Variants in BRDT observed in about 807,000 individuals in gnomAD.
BRDT encodes bromodomain testis-specific protein.
Under a neutral mutation model 113.9 loss-of-function variants are expected in BRDT, and 77 were observed. The observed-to-expected ratio is 0.68, with a 90% CI of 0.56 to 0.82. The LOEUF (loss-of-function observed/expected upper bound fraction) is 0.82. BRDT is among the 40% of genes least tolerant of loss of function. The pLI, the probability that BRDT is intolerant of heterozygous loss-of-function variation, is 0.00. For synonymous variants in BRDT, 358 were observed against 366.5 expected, an observed-to-expected ratio of 0.98 and a Z score of 0.26; for missense variants, 1,027 against 1,105.4, an observed-to-expected ratio of 0.93 and a Z score of 1.01.
chr1:91,962,189 A>T (rs1682546636), intron 1 of BRDT, among the ~76,000 whole-genome samples: 3 of 130,092 alleles, frequency 2.3e-5, no homozygotes, highest in Non-Finnish European at 3.4e-5. Flanking sequence ...AAAAAAAAAA[A>T]AAATCCAAGG....
At chr1:91,967,340 A>G (rs1180134554) in intron 3 of BRDT, among the ~76,000 whole-genome samples, 2 of 151,676 alleles carry the variant, frequency 1.3e-5, no homozygotes, top group Admixed American at 6.6e-5. Context: ...GGTTCAAGCA[A>G]TTCTCCTGCC....
intron 6 of BRDT, chr1:91,977,655 G>A (rs1404322462): frequency 4.5e-6 from 1 of 219,972 alleles, no homozygotes; most frequent in African/African-American, 2.3e-5. Context: ...CGGATCACTT[G>A]AGGCCAGGAG....
At chr1:91,956,074 A>G (rs576488399) in intron 1 of BRDT, among the ~76,000 whole-genome samples, 1 of 152,304 alleles carries the variant, frequency 6.6e-6, no homozygotes, top group South Asian at 2.1e-4. Flanking sequence ...TATATTACAG[A>G]TATGACTTCA....
At chr1:92,000,474 GT>G (rs1480674076) in intron 15 of BRDT, among the ~76,000 whole-genome samples, 1 of 152,180 alleles carries the variant, frequency 6.6e-6, no homozygotes, top group African/African-American at 2.4e-5. Flanking sequence ...CTTTGACAGT[GT>G]TTTGTCTTGC....
chr1:91,954,146 A>G (rs998182984), intron 1 of BRDT, among the ~76,000 whole-genome samples: 4 of 151,238 alleles, frequency 2.6e-5, no homozygotes, highest in Non-Finnish European at 5.9e-5. Flanking sequence ...AAATTTTTGT[A>G]TTTTTAGTAG....
Position 91,980,792 on chromosome 1 carries a change from G to A in BRDT, c.1437G>A (p.Arg479=), listed in dbSNP as rs1212260383. 1 of 1,598,588 alleles carries A rather than the reference G, an allele frequency of 6.3e-7. No homozygotes were observed. The part of the protein sequence containing the change: ...ENPRKMCEQM[R]LKEKSKRNQP... Reference sequence around the variant, plus strand: ...CAAGAAAAATGTGTGAGCAAATGAGGCTAAAGGAAAAGTCCAAGAGAAAGT... The same window carrying A: ...CAAGAAAAATGTGTGAGCAAATGAGACTAAAGGAAAAGTCCAAGAGAAAGT... Residue 479 remains arginine, a synonymous_variant, in exon 9 of 19, where the codon AGG becomes AGA. Coordinates refer to ENST00000399546, the MANE Select transcript of BRDT (RefSeq NM_207189.4).
In BRDT at chr1:91,962,940, G is replaced by C. The variant is rs758944987; in HGVS notation, c.186G>C (p.Gln62His). The change falls in exon 2 of 19, where the codon CAG becomes CAC. Residue 62 changes from glutamine (Q) to histidine (H), a missense_variant. Physicochemically the swap from Gln to His is conservative, Grantham distance 24. Coordinates refer to ENST00000399546, the MANE Select transcript of BRDT (RefSeq NM_207189.4). ...GTCCTGTGGATGCTGTGAAACTACA[G>C]TTGCCTGTATGTATGTCTTCAACTA... ...FQRPVDAVKLQLPDYYTIIKN... is the reference protein window; with the variant it reads ...FQRPVDAVKLHLPDYYTIIKN... The C allele has an allele frequency of 6.3e-6, 10 of 1,585,204 alleles. No individual in the cohort carries two copies. The highest frequency in any genetic ancestry group is 7.7e-6 in the Non-Finnish European group (9 of 1,169,452).
intron 15 of BRDT, among the ~76,000 whole-genome samples, chr1:91,995,629 A>C (rs1236765895): frequency 6.7e-6 from 1 of 148,552 alleles, no homozygotes; most frequent in Non-Finnish European, 1.5e-5. Flanking sequence ...TGCCCAGCTA[A>C]TTTTTTTGTA....
chr1:91,985,809 T>C (rs1685176606), intron 12 of BRDT, among the ~76,000 whole-genome samples: 1 of 151,592 alleles, frequency 6.6e-6, no homozygotes, highest in African/African-American at 2.4e-5. Context: ...CGGCTAATTT[T>C]TTCTATTTTT....
chr1:91,962,713 T>A lies in BRDT; in HGVS notation c.-37-5T>A. ...CTTCTGAAGTACTCAGTTTTTGTTT[T>A]TCAGGACATGTACTTGTAGACAGGA... On this transcript the variant is annotated splice_polypyrimidine_tract_variant and splice_region_variant and intron_variant, in intron 1 of 18. Transcript: ENST00000399546. The A allele has an allele frequency of 4.1e-6, 6 of 1,480,976 alleles. No individual in the cohort carries two copies. Among genetic ancestry groups the A allele is most frequent in the Non-Finnish European group, 5.4e-6 (6 of 1,113,236 alleles). The allele number at this position is 1,480,976 out of a possible 1,614,324, so 91.7% of individuals were successfully genotyped here.
At chr1:92,013,488 T>A (rs1280283833) in intron 18 of BRDT, among the ~76,000 whole-genome samples, 2 of 152,196 alleles carry the variant, frequency 1.3e-5, no homozygotes, top group South Asian at 4.1e-4. Flanking sequence ...ATTTATTTTT[T>A]AAAAATAATT....
intron 1 of BRDT, among the ~76,000 whole-genome samples, chr1:91,961,464 T>C (rs1263435328): frequency 1.3e-5 from 2 of 152,032 alleles, no homozygotes; most frequent in Admixed American, 6.6e-5. Context: ...ACCCTGTCTC[T>C]ACAAAAAAAT....
intron 4 of BRDT, among the ~76,000 whole-genome samples, chr1:91,970,487 G>C (rs1219737748): frequency 1.3e-5 from 2 of 151,474 alleles, no homozygotes; most frequent in African/African-American, 4.9e-5. Flanking sequence ...GGCTCATCTT[G>C]AACTCCTGGC....
At chr1:91,958,543 T>C (rs1055804143) in intron 1 of BRDT, among the ~76,000 whole-genome samples, 6 of 152,212 alleles carry the variant, frequency 3.9e-5, no homozygotes, top group Admixed American at 1.3e-4. Context: ...TAGTGCTGAA[T>C]AATATTTCAT....
At chr1:91,995,343 G>A (rs2101760339) in intron 15 of BRDT, among the ~76,000 whole-genome samples, 1 of 152,072 alleles carries the variant, frequency 6.6e-6, no homozygotes, top group South Asian at 2.1e-4. Flanking sequence ...CAGATTAGGA[G>A]GAAGAGGGAG....
intron 18 of BRDT, among the ~76,000 whole-genome samples, chr1:92,012,194 A>C (rs924352619): frequency 1.3e-5 from 2 of 152,000 alleles, no homozygotes; most frequent in Non-Finnish European, 1.5e-5. Flanking sequence ...GCTACTTAGG[A>C]GGCTGAGGCA....
rs775882507 is a variant in BRDT at position 91,964,635 on chromosome 1, T to C, written c.201T>C (p.Tyr67=). The change falls in exon 3 of 19, where the codon TAT becomes TAC. Residue 67 remains tyrosine, a synonymous_variant. Coordinates refer to ENST00000399546, the MANE Select transcript of BRDT (RefSeq NM_207189.4). ...DAVKLQLPDY[Y]TIIKNPMDLN... ...TTTGTTCAAAACCATAGGATTATTATACCATTATAAAAAACCCAATGGATT... is the reference window on the plus strand; with the variant it reads ...TTTGTTCAAAACCATAGGATTATTACACCATTATAAAAAACCCAATGGATT... 3 of 1,411,294 alleles carry C rather than the reference T, an allele frequency of 2.1e-6. No individual in the cohort carries two copies. The highest frequency in any genetic ancestry group is 1.9e-6 in the Non-Finnish European group (2 of 1,028,624). The allele number at this position is 1,411,294 out of a possible 1,614,324, so 87.4% of individuals were successfully genotyped here.
intron 1 of BRDT, among the ~76,000 whole-genome samples, chr1:91,957,215 C>A (rs879088551): frequency 2.6e-5 from 4 of 152,044 alleles, no homozygotes; most frequent in Admixed American, 2.6e-4. Context: ...TATTTTTGGC[C>A]GGGGGCAGTG....
chr1:91,962,580 C>T (rs911565659), intron 1 of BRDT, 138 bp from the exon 2 acceptor site: 7 of 416,984 alleles, frequency 1.7e-5, no homozygotes, highest in Non-Finnish European at 2.5e-5. Flanking sequence ...GTGATCCACC[C>T]GCCTTGGCCT....
Sources: allele counts gnomAD v4.1 joint callset (sites outside exome capture counted in the v4.1 genomes callset), GRCh38; gene constraint gnomAD v4.1.1; transcripts MANE v1.5; gene names NCBI Gene and HGNC (gene_info 2026-07-23, HGNC 2026-07-21).